TMEM14B: variants seen among roughly 807,000 people sequenced by gnomAD.
The protein encoded by TMEM14B is transmembrane protein 14B.
Under a neutral mutation model 14.8 loss-of-function variants are expected in TMEM14B, and 9 were observed. That is an observed-to-expected ratio of 0.61 (90% CI 0.37 to 1.06). The LOEUF (loss-of-function observed/expected upper bound fraction) is 1.06, where lower values mean the gene tolerates loss of function less well. Among genes scored for constraint, TMEM14B ranks in the 50% least tolerant of loss-of-function variants. TMEM14B has a pLI of 0.01. For synonymous variants in TMEM14B, 40 were observed against 51.3 expected (o/e 0.78, Z 0.94); for missense variants, 128 against 143.6 (o/e 0.89, Z 0.56).
In TMEM14B at chr6:10,756,969, A is replaced by G. The variant is rs1330349316; in HGVS notation, c.*451A>G. On this transcript the variant is annotated 3_prime_UTR_variant, in exon 6 of 6. Coordinates refer to ENST00000379542, the MANE Select transcript of TMEM14B (RefSeq NM_030969.5). ...TGAAATATCAATGAAAATAAAGTTT[A>G]CTATAAATAATATTTCCTATGGTGT... 1 of 984,120 alleles carries G rather than the reference A, an allele frequency of 1.0e-6. No homozygotes were observed. Among genetic ancestry groups the G allele is most frequent in the African/African-American group, 1.7e-5 (1 of 57,218 alleles). The allele number at this position is 984,120 out of a possible 1,614,324, so 61.0% of individuals were successfully genotyped here. A position where few individuals can be genotyped will look rare whatever the true frequency, so the allele number is the denominator to read the frequency against.
chr6:10,750,761 A>G (rs901842671), intron 3 of TMEM14B, among the ~76,000 whole-genome samples: 1 of 152,056 alleles, frequency 6.6e-6, no homozygotes, highest in African/African-American at 2.4e-5. Flanking sequence ...GGAAGAGTCA[A>G]TTCAGGTGGA....
In TMEM14B at chr6:10,755,142, C is replaced by G. The variant is rs769516355; in HGVS notation, c.203C>G (p.Ala68Gly). ...TGACCCTTCTTTGTATCTTTTTCAG[C>G]CGCTACATCTGTTACTTTTGTTGGT... ...QDPRNVWGFL[A>G]ATSVTFVGVM... The change falls in exon 5 of 6, where the codon GCC becomes GGC. Residue 68 changes from alanine to glycine, a missense_variant and splice_region_variant. Ala to Gly is a moderately conservative substitution (Grantham distance 60). Transcript: ENST00000379542. The G allele has an allele frequency of 1.2e-6, 2 of 1,613,384 alleles. No homozygotes were observed. Among genetic ancestry groups the G allele is most frequent in the Non-Finnish European group, 1.7e-6 (2 of 1,179,950 alleles).
At chr6:10,757,065 TTGA>T, downstream of TMEM14B, 1 of 896,052 alleles carries the variant, frequency 1.1e-6, no homozygotes, top group Non-Finnish European at 1.3e-6. Context: ...AAGTATTTTG[TTGA>T]TATTTAGAAA....
chr6:10,751,096 T>A (rs1410836319), intron 3 of TMEM14B, 37 bp from the exon 4 acceptor site: 1 of 1,611,442 alleles, frequency 6.2e-7, no homozygotes, highest in South Asian at 1.1e-5. Flanking sequence ...AATAAGTGCC[T>A]GACATTACAA....
At chr6:10,748,401 A>G (rs1047937696) in intron 1 of TMEM14B, among the ~76,000 whole-genome samples, 1 of 138,458 alleles carries the variant, frequency 7.2e-6, no homozygotes, top group Non-Finnish European at 1.5e-5. Flanking sequence ...GCATGCCATC[A>G]TGCCCGATTT....
In TMEM14B at chr6:10,751,208, A is replaced by T. The variant is rs143782354; in HGVS notation, c.176A>T (p.Asp59Val). ...CTGGGTGCTTACCAGCTGTATCAGG[A>T]TCCAAGGAACGTTTGGGGTTTCCTA... ...AGLGAYQLYQ[D>V]PRNVWGFLAA... Residue 59 changes from aspartate to valine, a missense_variant, in exon 4 of 6, where the codon GAT becomes GTT. Physicochemically the swap from Asp to Val is radical, Grantham distance 152. Coordinates refer to ENST00000379542, the MANE Select transcript of TMEM14B (RefSeq NM_030969.5). 2.1e-5 allele frequency: 34 copies of T among 1,613,788 alleles called. 2 individuals are homozygous for T. The Middle Eastern group carries it at 1.2e-3, about 55-fold the overall frequency.
rs185990498 is a variant in TMEM14B, at chr6:10,756,582, A to G, written c.*64A>G. Reference sequence around the variant, plus strand: ...AAATCTGCATCTTCCACTATTTTCAATGTATTAAGAGAAATAAGTGCAGCA... The same window carrying G: ...AAATCTGCATCTTCCACTATTTTCAGTGTATTAAGAGAAATAAGTGCAGCA... On this transcript the variant is annotated 3_prime_UTR_variant, in exon 6 of 6. Transcript: ENST00000379542. 3.8e-5 allele frequency: 60 copies of G among 1,585,324 alleles called. 1 individual carries two copies. The East Asian group carries it at 6.1e-4, about 16-fold the overall frequency.
chr6:10,750,013 A>AG (rs1771485709), intron 3 of TMEM14B: 1 of 419,516 alleles, frequency 2.4e-6, no homozygotes, highest in Non-Finnish European at 4.4e-6. Flanking sequence ...TCTGGGCTTA[A>AG]GTAGGAGTCA....
chr6:10,758,563 T>G (rs1298694307), downstream of TMEM14B, among the ~76,000 whole-genome samples: 1 of 152,316 alleles, frequency 6.6e-6, no homozygotes, highest in Admixed American at 6.5e-5. Flanking sequence ...CAAGCCATGG[T>G]GCTTGCCCTT....
rs59276471 is a variant in TMEM14B, at chr6:10,748,410, TTGTGTGTGTG to T, written c.-45+539_-45+548del. ...ACAGGTGCATGCCATCATGCCCGATTTGTGTGTGTGTGTGTGTGTTTTAATAGAATATGGG... is the reference window on the plus strand; with the variant it reads ...ACAGGTGCATGCCATCATGCCCGATTTGTGTGTGTTTTAATAGAATATGGG... On this transcript the variant is annotated intron_variant, in intron 1 of 5. Coordinates refer to ENST00000379542, the MANE Select transcript of TMEM14B (RefSeq NM_030969.5). Among the ~76,000 whole-genome samples, 157 of 150,798 alleles carry T rather than the reference TTGTGTGTGTG, an allele frequency of 1.0e-3. 1 individual carries two copies. Among genetic ancestry groups the T allele is most frequent in the African/African-American group, 3.4e-3 (140 of 41,086 alleles).
intron 4 of TMEM14B, chr6:10,752,683 C>CCTGA (rs1771637238): frequency 2.0e-5 from 3 of 152,018 alleles, no homozygotes; most frequent in Non-Finnish European, 4.4e-5. Context: ...GTTTGGAACG[C>CCTGA]CTGACCTCAG....
intron 4 of TMEM14B, among the ~76,000 whole-genome samples, chr6:10,754,816 C>T (rs1355205276): frequency 6.6e-6 from 1 of 152,150 alleles, no homozygotes; most frequent in Non-Finnish European, 1.5e-5. Context: ...GTCTGCAGGG[C>T]GATAGCATCT....
downstream of TMEM14B, among the ~76,000 whole-genome samples, chr6:10,757,311 A>G (rs1007922594): frequency 6.6e-6 from 1 of 151,980 alleles, no homozygotes; most frequent in South Asian, 2.1e-4. Context: ...CTACTGGTGC[A>G]TACCACCTCG....
downstream of TMEM14B, among the ~76,000 whole-genome samples, chr6:10,757,584 A>G (rs1428180083): frequency 6.6e-6 from 1 of 152,234 alleles, no homozygotes; most frequent in Non-Finnish European, 1.5e-5. Context: ...TTTGGGCTCT[A>G]CATTGGACAC....
intron 1 of TMEM14B, 114 bp downstream of exon 1, chr6:10,747,995 T>G (rs1281863761): frequency 6.6e-6 from 1 of 152,256 alleles, no homozygotes; most frequent in Non-Finnish European, 1.5e-5. Flanking sequence ...TCAGCGGGCC[T>G]TTATGCCGTG....
At chr6:10,751,602 T>C (rs1341467877) in intron 4 of TMEM14B, among the ~76,000 whole-genome samples, 2 of 152,086 alleles carry the variant, frequency 1.3e-5, no homozygotes, top group Non-Finnish European at 2.9e-5. Context: ...AAGACAAATA[T>C]GTGTCAACCG....
downstream of TMEM14B, among the ~76,000 whole-genome samples, chr6:10,757,143 G>A (rs1771835060): frequency 6.6e-6 from 1 of 151,704 alleles, no homozygotes; most frequent in Non-Finnish European, 1.5e-5. Flanking sequence ...ATTGAAGCTT[G>A]TTTCAAAAAT....
At chr6:10,750,718 C>G (rs1036729997) in intron 3 of TMEM14B, among the ~76,000 whole-genome samples, 1 of 151,868 alleles carries the variant, frequency 6.6e-6, no homozygotes, top group African/African-American at 2.4e-5. Context: ...AGTGAAAGAG[C>G]CAAGATGGAG....
chr6:10,757,208 C>T (rs1351673368), downstream of TMEM14B, among the ~76,000 whole-genome samples: 3 of 152,136 alleles, frequency 2.0e-5, no homozygotes, highest in Non-Finnish European at 4.4e-5. Context: ...TTCTCTGTCA[C>T]CTAGGCTGGA....
Sources: allele counts gnomAD v4.1 joint callset (sites outside exome capture counted in the v4.1 genomes callset), GRCh38; gene constraint gnomAD v4.1.1; transcripts MANE v1.5; gene names NCBI Gene and HGNC (gene_info 2026-07-23, HGNC 2026-07-21).